The following HYCC2 variants were observed in gnomAD, a reference collection of about 807,000 sequenced individuals.
HYCC2 encodes hyccin PI4KA lipid kinase complex subunit 2.
chr2:201,050,264 T>G, the HYCC2 span, among the ~76,000 whole-genome samples: 2 of 149,504 alleles, frequency 1.3e-5, no homozygotes, highest in African/African-American at 2.5e-5. Context: ...CATGTCAGTA[T>G]AAAACGGACA....
At chr2:201,028,159 T>G in the HYCC2 span, among the ~76,000 whole-genome samples, 2 of 152,196 alleles carry the variant, frequency 1.3e-5, no homozygotes, top group African/African-American at 4.8e-5. Context: ...TAAGCATTCC[T>G]GTACACCAAT....
chr2:201,014,007 T>C, the HYCC2 span, among the ~76,000 whole-genome samples: 1 of 152,094 alleles, frequency 6.6e-6, no homozygotes, highest in Non-Finnish European at 1.5e-5. Flanking sequence ...AACACAGACA[T>C]CGAGGGAATC....
At chr2:200,983,746 GA>G in the HYCC2 span, among the ~76,000 whole-genome samples, 3 of 152,276 alleles carry the variant, frequency 2.0e-5, no homozygotes, top group East Asian at 5.8e-4. Flanking sequence ...TATTGGGTCA[GA>G]ATTGATATTA....
chr2:201,022,042 G>T, the HYCC2 span: 4 of 1,284,764 alleles, frequency 3.1e-6, no homozygotes, highest in Middle Eastern at 2.1e-4. Context: ...TTAAGCTGCT[G>T]GTTAGGAGAG....
chr2:201,009,099 A>C, the HYCC2 span: 1 of 1,487,734 alleles, frequency 6.7e-7, no homozygotes. Context: ...CTACAAAAAT[A>C]AGGTACAGTA....
At chr2:201,023,890 G>A in the HYCC2 span, 2 of 1,156,920 alleles carry the variant, frequency 1.7e-6, no homozygotes, top group African/African-American at 3.0e-5. Flanking sequence ...TCTCCATAGA[G>A]CACATATTCA....
chr2:201,008,578 T>A, the HYCC2 span, among the ~76,000 whole-genome samples: 1 of 146,854 alleles, frequency 6.8e-6, no homozygotes, highest in Non-Finnish European at 1.5e-5. Flanking sequence ...CTAGGCAACA[T>A]AACTAGACTC....
the HYCC2 span, among the ~76,000 whole-genome samples, chr2:201,014,705 G>C: frequency 6.6e-6 from 1 of 152,190 alleles, no homozygotes; most frequent in Non-Finnish European, 1.5e-5. Context: ...TAAGAGAGGA[G>C]TGAGCACTGG....
chr2:200,999,552 AT>A, the HYCC2 span, among the ~76,000 whole-genome samples: 3 of 149,714 alleles, frequency 2.0e-5, no homozygotes, highest in Non-Finnish European at 3.0e-5. Flanking sequence ...CACTTGGCTA[AT>A]TTTTTTTTGT....
chr2:201,063,650 A>T, the HYCC2 span: 1 of 1,572,870 alleles, frequency 6.4e-7, no homozygotes, highest in Non-Finnish European at 8.6e-7. Flanking sequence ...AGAGATGACT[A>T]GTGCTTCATC....
the HYCC2 span, among the ~76,000 whole-genome samples, chr2:201,054,772 T>C: frequency 6.6e-6 from 1 of 152,148 alleles, no homozygotes; most frequent in Non-Finnish European, 1.5e-5. Flanking sequence ...ATAACCTATT[T>C]AGGTATGTAG....
the HYCC2 span, chr2:200,992,470 C>G: frequency 1.3e-6 from 1 of 799,948 alleles, no homozygotes; most frequent in Non-Finnish European, 2.2e-6. Context: ...TGAAGCAAAA[C>G]TTTCATACCA....
chr2:201,019,810 C>A, the HYCC2 span, among the ~76,000 whole-genome samples: 5 of 151,536 alleles, frequency 3.3e-5, no homozygotes, highest in Admixed American at 3.3e-4. Context: ...TTAATTGTGG[C>A]CAGGCTCAAT....
chr2:201,048,480 A>AT, the HYCC2 span, among the ~76,000 whole-genome samples: 63 of 127,672 alleles, frequency 4.9e-4, no homozygotes, highest in Middle Eastern at 4.0e-3. Context: ...ACATGATGAG[A>AT]TTTTTTTTTT....
the HYCC2 span, among the ~76,000 whole-genome samples, chr2:201,030,019 C>G: frequency 2.0e-5 from 3 of 152,128 alleles, no homozygotes; most frequent in Non-Finnish European, 4.4e-5. Flanking sequence ...CTCAAGACTT[C>G]AAGGCTCCAG....
the HYCC2 span, chr2:201,021,664 C>A: frequency 1.2e-5 from 2 of 173,634 alleles, no homozygotes; most frequent in Non-Finnish European, 2.5e-5. Context: ...AATATCTGAC[C>A]ACTGCCCATG....
the HYCC2 span, among the ~76,000 whole-genome samples, chr2:201,031,046 T>C: frequency 2.6e-5 from 4 of 152,234 alleles, no homozygotes; most frequent in African/African-American, 9.6e-5. Flanking sequence ...TTCCACAGTA[T>C]AAATTCTAAA....
chr2:200,975,406 C>A, the HYCC2 span: 19 of 151,942 alleles, frequency 1.3e-4, no homozygotes, highest in African/African-American at 4.3e-4. Context: ...GATATCAATT[C>A]TGTAATTGGG....
At chr2:201,027,593 G>A in the HYCC2 span, among the ~76,000 whole-genome samples, 1 of 152,092 alleles carries the variant, frequency 6.6e-6, no homozygotes, top group African/African-American at 2.4e-5. Flanking sequence ...GAATCCAGCA[G>A]CACATCAAAA....
Sources: gnomAD v4.1 joint callset for allele counts (sites outside exome capture counted in the v4.1 genomes callset) on GRCh38, gnomAD v4.1.1 for gene constraint, MANE v1.5 for transcripts, NCBI Gene and HGNC (gene_info 2026-07-23, HGNC 2026-07-21) for gene names.